The following SPTLC3 variants were observed in gnomAD, a reference collection of about 807,000 sequenced individuals.
SPTLC3 encodes serine palmitoyltransferase 3.
SPTLC3 carries 36 observed loss-of-function variants against 59.3 expected under a neutral mutation model. That is an observed-to-expected ratio of 0.61 (90% CI 0.47 to 0.80). The LOEUF (loss-of-function observed/expected upper bound fraction) is 0.80. SPTLC3 is among the 30% of genes least tolerant of loss of function. The pLI is 0.00. For synonymous variants in SPTLC3, 257 were observed against 240.8 expected, an observed-to-expected ratio of 1.07 and a Z score of -0.62; for missense variants, 625 against 685.1, an observed-to-expected ratio of 0.91 and a Z score of 0.98.
At chr20:13,138,260 C>T (rs1271878193) in intron 9 of SPTLC3, among the ~76,000 whole-genome samples, 1 of 152,192 alleles carries the variant, frequency 6.6e-6, no homozygotes, top group Non-Finnish European at 1.5e-5. Context: ...ATAAATGACC[C>T]ATTCAGCATC....
At chr20:13,117,133 A>G (rs1196820118) in intron 7 of SPTLC3, among the ~76,000 whole-genome samples, 2 of 152,254 alleles carry the variant, frequency 1.3e-5, no homozygotes, top group Admixed American at 6.5e-5. Context: ...AGGCTGATAA[A>G]GGGAATGACT....
At chr20:13,070,657 C>T (rs1308113685) in intron 2 of SPTLC3, among the ~76,000 whole-genome samples, 2 of 152,126 alleles carry the variant, frequency 1.3e-5, no homozygotes, top group East Asian at 1.9e-4. Flanking sequence ...ATGAGCTCTT[C>T]CTGCAAATGC....
chr20:13,077,784 C>CTT (rs34090988), intron 4 of SPTLC3, among the ~76,000 whole-genome samples: 1 of 145,600 alleles, frequency 6.9e-6, no homozygotes, highest in African/African-American at 2.5e-5. Flanking sequence ...GCTATCTGTA[C>CTT]TTTTTTTTTT....
At position 13,134,287 on chromosome 20, in the gene SPTLC3, G is replaced by A. The variant is rs937984744; in HGVS notation, c.1279+7570G>A. Among the ~76,000 whole-genome samples, 12 of 152,266 alleles carry A rather than the reference G, an allele frequency of 7.9e-5. No individual in the cohort carries two copies. The East Asian group carries it at 1.2e-3, about 15-fold the overall frequency. On this transcript the variant is annotated intron_variant, in intron 9 of 11. Coordinates refer to ENST00000399002, the MANE Select transcript of SPTLC3 (RefSeq NM_018327.4). ...TTTTCATCAAAAGAATTGTATCTCC[G>A]AATACTTAACATCAGCAATCTGAGT...
At chr20:13,074,033 G>T in intron 3 of SPTLC3, 1 of 637,712 alleles carries the variant, frequency 1.6e-6, no homozygotes, top group East Asian at 3.7e-5. Flanking sequence ...TCAAGCTCTG[G>T]AGCTGTGGCA....
rs534215298 is a variant in SPTLC3 at position 13,056,848 on chromosome 20, T to A, written c.303+7718T>A. On this transcript the variant is annotated intron_variant, in intron 2 of 11. Coordinates refer to ENST00000399002, the MANE Select transcript of SPTLC3 (RefSeq NM_018327.4). ...CCTCCACCTCCCAGGTTCAAGTGAT[T>A]CTCCTGCCTCAGCCTCTCAAGTAGA... is the stretch of plus-strand genomic sequence containing the variant. Among the ~76,000 whole-genome samples, 341 of 151,834 alleles carry A rather than the reference T, an allele frequency of 2.2e-3. 2 individuals carry two copies. The highest frequency in any genetic ancestry group is 7.8e-3 in the African/African-American group (323 of 41,406).
chr20:13,080,489 C>T (rs8121607), intron 4 of SPTLC3, among the ~76,000 whole-genome samples: 6 of 131,640 alleles, frequency 4.6e-5, no homozygotes, highest in Non-Finnish European at 9.4e-5. Flanking sequence ...GCCTCATGAC[C>T]GAGTGAAAAT....
At chr20:13,089,597 G>A (rs762885757) in intron 4 of SPTLC3, among the ~76,000 whole-genome samples, 5 of 151,854 alleles carry the variant, frequency 3.3e-5, no homozygotes, top group South Asian at 2.1e-4. Context: ...ACCAGCCTGC[G>A]CAACAAGGTG....
chr20:13,128,320 G>GGT (rs762492840), intron 9 of SPTLC3, among the ~76,000 whole-genome samples: 2 of 152,138 alleles, frequency 1.3e-5, no homozygotes, highest in Non-Finnish European at 2.9e-5. Flanking sequence ...GGATAAGGGA[G>GGT]GTTTTGCCAC....
chr20:13,056,676 C>T (rs1337270825), intron 2 of SPTLC3, among the ~76,000 whole-genome samples: 1 of 151,466 alleles, frequency 6.6e-6, no homozygotes, highest in East Asian at 1.9e-4. Flanking sequence ...TCTCAAACTG[C>T]TGACCTCAAG....
chr20:13,158,510 G>A (rs747034665), intron 10 of SPTLC3, among the ~76,000 whole-genome samples: 3 of 152,108 alleles, frequency 2.0e-5, no homozygotes, highest in Non-Finnish European at 4.4e-5. Flanking sequence ...TGAGATCATG[G>A]GTCAGGTGGT....
At chr20:13,102,465 G>A (rs1279732658) in intron 6 of SPTLC3, among the ~76,000 whole-genome samples, 1 of 152,102 alleles carries the variant, frequency 6.6e-6, no homozygotes, top group Non-Finnish European at 1.5e-5. Flanking sequence ...GTCAGAGCTG[G>A]TAAACCTAGG....
At chr20:13,150,838 T>C (rs1243059263) in intron 9 of SPTLC3, among the ~76,000 whole-genome samples, 9 of 152,254 alleles carry the variant, frequency 5.9e-5, no homozygotes, top group Admixed American at 2.0e-4. Context: ...AAGCCTGGAA[T>C]ACTCTCCTCT....
chr20:13,064,908 T>C (rs1988135072), intron 2 of SPTLC3, among the ~76,000 whole-genome samples: 1 of 152,188 alleles, frequency 6.6e-6, no homozygotes, highest in African/African-American at 2.4e-5. Context: ...CATTTTCTCT[T>C]ATGGGACACA....
At chr20:13,021,885 T>C (rs538172954) in intron 1 of SPTLC3, among the ~76,000 whole-genome samples, 208 of 152,286 alleles carry the variant, frequency 1.4e-3, no homozygotes, top group African/African-American at 4.7e-3. Context: ...ATAGATTAGA[T>C]GGATGATAGA....
intron 10 of SPTLC3, among the ~76,000 whole-genome samples, chr20:13,159,191 G>A (rs1471223132): frequency 6.6e-6 from 1 of 152,214 alleles, no homozygotes; most frequent in African/African-American, 2.4e-5. Context: ...GAAGGATAAA[G>A]GGAAGGAATC....
chr20:13,043,604 C>G (rs1178368394), intron 1 of SPTLC3, among the ~76,000 whole-genome samples: 1 of 152,198 alleles, frequency 6.6e-6, no homozygotes, highest in Non-Finnish European at 1.5e-5. Context: ...CACATGTGCT[C>G]TTCATCCTGT....
chr20:13,134,796 G>A (rs2038205391), intron 9 of SPTLC3, among the ~76,000 whole-genome samples: 1 of 152,178 alleles, frequency 6.6e-6, no homozygotes, highest in Admixed American at 6.5e-5. Context: ...AGAAGAGCAG[G>A]CAGAAGAATA....
At chr20:13,087,007 G>C (rs2122612384) in intron 4 of SPTLC3, among the ~76,000 whole-genome samples, 1 of 152,198 alleles carries the variant, frequency 6.6e-6, no homozygotes, top group African/African-American at 2.4e-5. Flanking sequence ...TATTGGCCAG[G>C]CTGGTCTCAG....
Sources: gnomAD v4.1 joint callset for allele counts (sites outside exome capture counted in the v4.1 genomes callset) on GRCh38, gnomAD v4.1.1 for gene constraint, MANE v1.5 for transcripts, NCBI Gene and HGNC (gene_info 2026-07-23, HGNC 2026-07-21) for gene names.